Variants in NFATC1 observed in about 807,000 individuals in gnomAD.
The protein encoded by NFATC1 is nuclear factor of activated T cells 1, also known as nuclear factor of activated T-cells, cytoplasmic 1.
A neutral mutation model predicts 76.0 loss-of-function variants in NFATC1; 22 were observed. The observed-to-expected ratio is 0.29, with a 90% CI of 0.21 to 0.41. NFATC1 has a LOEUF of 0.41. NFATC1 is among the 10% of genes least tolerant of loss of function. The pLI, the probability that NFATC1 is intolerant of heterozygous loss-of-function variation, is 1.00. For synonymous variants in NFATC1, 704 were observed against 613.1 expected (o/e 1.15, Z -2.19); for missense variants, 1,357 against 1,337.7 (o/e 1.01, Z -0.23).
intron 9 of NFATC1, among the ~76,000 whole-genome samples, chr18:79,520,968 G>T (rs2090533575): frequency 1.8e-5 from 2 of 110,666 alleles, no homozygotes; most frequent in East Asian, 3.2e-4. Flanking sequence ...TGTGTGTGGG[G>T]GGGCATCCGC....
At chr18:79,473,806 G>A (rs1474106058) in intron 8 of NFATC1, among the ~76,000 whole-genome samples, 7 of 146,636 alleles carry the variant, frequency 4.8e-5, no homozygotes, top group South Asian at 2.2e-4. Flanking sequence ...GTGTTCTCAC[G>A]CTCACTGTTG....
chr18:79,483,615 TTCCTGGGGCGTCACTCTGGCGTGACCTGG>T (rs2145046241), intron 8 of NFATC1, among the ~76,000 whole-genome samples: 2 of 137,880 alleles, frequency 1.5e-5, no homozygotes, highest in African/African-American at 2.8e-5. Context: ...CGTGACCTCG[TTCCTGGGGCGTCACTCTGGCGTGACCTGG>T]TCCTGGGGTG....
chr18:79,527,524 A>G lies in NFATC1; in HGVS notation c.2783-4A>G. 6.2e-7 allele frequency: 1 copy of G among 1,612,878 alleles called. No individual in the cohort carries two copies. The highest frequency in any genetic ancestry group is 2.2e-5 in the East Asian group (1 of 44,876). On this transcript the variant is annotated splice_polypyrimidine_tract_variant and splice_region_variant and intron_variant, in intron 9 of 9. Transcript: ENST00000427363. ...ATACTTTCTCAATTTTTCTTTTCTT[A>G]CAGTAAATGAAATAATACGAAATGA...
intron 6 of NFATC1, among the ~76,000 whole-genome samples, chr18:79,456,588 G>A (rs1308602094): frequency 6.6e-6 from 1 of 152,130 alleles, no homozygotes; most frequent in Non-Finnish European, 1.5e-5. Flanking sequence ...CGGGCGGGGA[G>A]GAGGTGAGGG....
At chr18:79,407,957 C>T (rs1406833193) in intron 1 of NFATC1, among the ~76,000 whole-genome samples, 1 of 151,600 alleles carries the variant, frequency 6.6e-6, no homozygotes, top group African/African-American at 2.4e-5. Context: ...CTTCTGGTCG[C>T]ACCTGTGAGG....
At chr18:79,516,395 T>C (rs2090384855) in intron 9 of NFATC1, among the ~76,000 whole-genome samples, 1 of 152,260 alleles carries the variant, frequency 6.6e-6, no homozygotes, top group Non-Finnish European at 1.5e-5. Context: ...TGAGAAGCTG[T>C]TATTTTCCAC....
At chr18:79,451,655 G>GC in intron 5 of NFATC1, 21 bp from the exon 6 acceptor site, 1 of 1,567,866 alleles carries the variant, frequency 6.4e-7, no homozygotes, top group Non-Finnish European at 8.7e-7. Flanking sequence ...GGCCCTCACT[G>GC]CCCCTCTCCT....
intron 9 of NFATC1, among the ~76,000 whole-genome samples, chr18:79,518,942 C>T (rs2090449135): frequency 6.6e-6 from 1 of 152,234 alleles, no homozygotes; most frequent in African/African-American, 2.4e-5. Flanking sequence ...GCTGAAGAGT[C>T]CGCCCATTCA....
At chr18:79,483,106 C>T (rs2089354713) in intron 8 of NFATC1, among the ~76,000 whole-genome samples, 1 of 108,886 alleles carries the variant, frequency 9.2e-6, no homozygotes, top group African/African-American at 3.6e-5. Context: ...TCCAGCGTGA[C>T]CTGGTTCCTG....
chr18:79,482,760 G>A (rs182512025), intron 8 of NFATC1, among the ~76,000 whole-genome samples: 201 of 133,458 alleles, frequency 1.5e-3, no homozygotes, highest in African/African-American at 5.5e-3. Context: ...GCGTGACCTC[G>A]TTCCTGGGGT....
Position 79,396,362 on chromosome 18 carries a change from C to T in NFATC1, c.127+11C>T. ...AGTCAGCGGAGGAAGGTAAGCCCCG[C>T]GCGGCCTCCGCCCCCGGACCCCTGC... On this transcript the variant is annotated intron_variant, in intron 1 of 9. Transcript: ENST00000427363. The T allele has an allele frequency of 7.6e-7, 1 of 1,317,178 alleles. No individual in the cohort carries two copies. Among genetic ancestry groups the T allele is most frequent in the Non-Finnish European group, 9.8e-7 (1 of 1,017,170 alleles). The allele number at this position is 1,317,178 out of a possible 1,614,324, so 81.6% of individuals were successfully genotyped here.
At chr18:79,407,250 G>A (rs920786830) in intron 1 of NFATC1, among the ~76,000 whole-genome samples, 1 of 152,202 alleles carries the variant, frequency 6.6e-6, no homozygotes, top group Non-Finnish European at 1.5e-5. Context: ...CTGGGGGCGG[G>A]GGGCACAGTG....
At chr18:79,437,010 C>T (rs1229173016) in intron 3 of NFATC1, among the ~76,000 whole-genome samples, 2 of 152,230 alleles carry the variant, frequency 1.3e-5, no homozygotes, top group African/African-American at 4.8e-5. Flanking sequence ...GCGCTAAAAA[C>T]ACCAGCATCA....
intron 9 of NFATC1, among the ~76,000 whole-genome samples, chr18:79,500,704 A>G (rs1330708931): frequency 6.6e-6 from 1 of 152,210 alleles, no homozygotes; most frequent in South Asian, 2.1e-4. Flanking sequence ...TCAAAAGGTT[A>G]TAAGGGAATA....
At chr18:79,449,661 G>T (rs1344524859) in intron 4 of NFATC1, among the ~76,000 whole-genome samples, 4 of 152,202 alleles carry the variant, frequency 2.6e-5, no homozygotes, top group East Asian at 1.9e-4. Context: ...AGACCAGCAG[G>T]ATGGAGCCAG....
At chr18:79,447,076 C>T (rs1426498719) in intron 3 of NFATC1, among the ~76,000 whole-genome samples, 2 of 152,174 alleles carry the variant, frequency 1.3e-5, no homozygotes, top group African/African-American at 2.4e-5. Context: ...CTGAGTTCAG[C>T]CGTCGCTTCA....
At chr18:79,493,056 C>G (rs1012683150) in intron 9 of NFATC1, among the ~76,000 whole-genome samples, 1 of 152,102 alleles carries the variant, frequency 6.6e-6, no homozygotes, top group African/African-American at 2.4e-5. Context: ...TCAGACTTCT[C>G]GAGCATGGCC....
intron 9 of NFATC1, among the ~76,000 whole-genome samples, chr18:79,511,684 C>T (rs1459555382): frequency 6.6e-6 from 1 of 152,118 alleles, no homozygotes; most frequent in Admixed American, 6.5e-5. Flanking sequence ...GCCTGGATTT[C>T]CCTCCCAGAG....
chr18:79,514,747 TA>T (rs2090338387), intron 9 of NFATC1, among the ~76,000 whole-genome samples: 1 of 152,062 alleles, frequency 6.6e-6, no homozygotes, highest in Non-Finnish European at 1.5e-5. Context: ...AGTCACATTT[TA>T]GTAAGGCAGG....
Sources: allele counts gnomAD v4.1 joint callset (sites outside exome capture counted in the v4.1 genomes callset), GRCh38; gene constraint gnomAD v4.1.1; transcripts MANE v1.5; gene names NCBI Gene and HGNC (gene_info 2026-07-23, HGNC 2026-07-21).